Variants in RGS6 observed in about 807,000 individuals in gnomAD.
The protein encoded by RGS6 is regulator of G protein signaling 6, also known as regulator of G-protein signaling 6.
In RGS6, 30 loss-of-function variants were observed where a neutral mutation model predicts 78.5. That is an observed-to-expected ratio of 0.38 (90% CI 0.29 to 0.52). The LOEUF is 0.52. Ranked by LOEUF, RGS6 falls within the 20% of genes least tolerant of loss-of-function variation. The pLI, the probability that RGS6 is intolerant of heterozygous loss-of-function variation, is 0.85. For synonymous variants in RGS6, 206 were observed against 206.0 expected, an observed-to-expected ratio of 1.00 and a Z score of 0.00; for missense variants, 495 against 609.7, an observed-to-expected ratio of 0.81 and a Z score of 1.98.
At chr14:72,165,273 G>A (rs1292052471) in intron 2 of RGS6, among the ~76,000 whole-genome samples, 1 of 152,234 alleles carries the variant, frequency 6.6e-6, no homozygotes, top group African/African-American at 2.4e-5. Flanking sequence ...GGGATGCAAG[G>A]AAGAATCTCC....
chr14:71,969,521 T>C (rs1753522324), intron 2 of RGS6, among the ~76,000 whole-genome samples: 2 of 152,150 alleles, frequency 1.3e-5, no homozygotes. Flanking sequence ...CTGGATGTCT[T>C]CTACATCCAA....
At chr14:72,331,034 G>A (rs570294632) in intron 2 of RGS6, among the ~76,000 whole-genome samples, 8 of 152,248 alleles carry the variant, frequency 5.3e-5, no homozygotes, top group African/African-American at 1.9e-4. Flanking sequence ...GCTTTCGGCC[G>A]AGTCCCTCTG....
rs561041687 is a variant in RGS6, at chr14:72,388,249, C to CAT, written c.184+36065_184+36066dup. Among the ~76,000 whole-genome samples, 1,290 of 152,052 alleles carry CAT rather than the reference C, an allele frequency of 8.5e-3. 39 individuals carry two copies. Among genetic ancestry groups the CAT allele is most frequent in the East Asian group, 0.05 (261 of 5,174 alleles). On this transcript the variant is annotated intron_variant, in intron 3 of 17. Coordinates refer to ENST00000553525, the MANE Select transcript of RGS6 (RefSeq NM_001204424.2). ...ATATGGGAAAACACACACACATACACATATATATATACACATATACACATA... is the reference window on the plus strand; with the variant it reads ...ATATGGGAAAACACACACACATACACATATATATATATACACATATACACATA...
intron 2 of RGS6, among the ~76,000 whole-genome samples, chr14:72,287,848 G>C (rs2062864489): frequency 6.6e-6 from 1 of 152,188 alleles, no homozygotes; most frequent in Admixed American, 6.5e-5. Context: ...CATCTATTGA[G>C]ATGATTGTGT....
chr14:72,039,834 G>A (rs888394801), intron 2 of RGS6, among the ~76,000 whole-genome samples: 2 of 13,526 alleles, frequency 1.5e-4, no homozygotes, highest in Non-Finnish European at 2.9e-4. Context: ...TTTTTTTTTG[G>A]TGACATGCTT....
intron 2 of RGS6, among the ~76,000 whole-genome samples, chr14:72,084,997 T>A (rs2094968921): frequency 6.6e-6 from 1 of 152,206 alleles, no homozygotes; most frequent in Non-Finnish European, 1.5e-5. Flanking sequence ...AGGGGAAATC[T>A]GCTACGTAAG....
intron 2 of RGS6, among the ~76,000 whole-genome samples, chr14:72,284,653 A>G (rs2062181130): frequency 6.6e-6 from 1 of 152,172 alleles, no homozygotes; most frequent in Non-Finnish European, 1.5e-5. Flanking sequence ...AAAATGTGGG[A>G]TTGAAGCCCC....
chr14:72,288,382 C>A (rs1465399215), intron 2 of RGS6, among the ~76,000 whole-genome samples: 1 of 152,170 alleles, frequency 6.6e-6, no homozygotes, highest in Non-Finnish European at 1.5e-5. Flanking sequence ...TGGAAGGGAT[C>A]CAGTGCTGGA....
intron 2 of RGS6, among the ~76,000 whole-genome samples, chr14:72,034,820 ATTAC>A (rs1484907564): frequency 6.6e-6 from 1 of 152,090 alleles, no homozygotes; most frequent in African/African-American, 2.4e-5. Context: ...GAGGTTTTTG[ATTAC>A]TTACTTAGTT....
chr14:72,252,542 C>G lies in RGS6; in HGVS notation c.85-99553C>G, dbSNP rs192339420. On this transcript the variant is annotated intron_variant, in intron 2 of 17. Coordinates refer to ENST00000553525, the MANE Select transcript of RGS6 (RefSeq NM_001204424.2). ...ATGTCTGCTCCCATCTCCCTGTTAG[C>G]CTGTACAAATCTGCTCAAGTGTTAA... Among the ~76,000 whole-genome samples, 3 of 152,272 alleles carry G rather than the reference C, an allele frequency of 2.0e-5. No homozygotes were observed. In the East Asian group the frequency reaches 5.8e-4, roughly 29 times the overall value.
intron 17 of RGS6, among the ~76,000 whole-genome samples, chr14:72,559,885 A>T (rs2097647074): frequency 6.6e-6 from 1 of 152,154 alleles, no homozygotes; most frequent in Non-Finnish European, 1.5e-5. Context: ...GAGGGTATGG[A>T]AGCCTCAGGG....
the RGS6 span, among the ~76,000 whole-genome samples, chr14:72,575,922 A>G: frequency 6.6e-6 from 1 of 152,154 alleles, no homozygotes; most frequent in African/African-American, 2.4e-5. Context: ...CTGGCATCCC[A>G]CCCGTCCTTC....
At chr14:72,610,547 G>A in the RGS6 span, among the ~76,000 whole-genome samples, 230 of 152,386 alleles carry the variant, frequency 1.5e-3, 3 homozygotes, top group Middle Eastern at 0.014. Context: ...GAGAAATTGA[G>A]CTTACAAATT....
intron 3 of RGS6, among the ~76,000 whole-genome samples, chr14:72,403,413 AAGT>A (rs1453058512): frequency 6.6e-6 from 1 of 152,214 alleles, no homozygotes; most frequent in Non-Finnish European, 1.5e-5. Context: ...GATCTCATAG[AAGT>A]AGAGAGTACA....
At chr14:72,138,179 A>G (rs1359429166) in intron 2 of RGS6, among the ~76,000 whole-genome samples, 1 of 152,226 alleles carries the variant, frequency 6.6e-6, no homozygotes, top group East Asian at 1.9e-4. Context: ...ACAAATATGG[A>G]ATCTTCAAAT....
chr14:72,165,382 G>A (rs1259302891), intron 2 of RGS6, among the ~76,000 whole-genome samples: 2 of 152,218 alleles, frequency 1.3e-5, no homozygotes, highest in Non-Finnish European at 2.9e-5. Flanking sequence ...GAGGAAGGAT[G>A]ATGTGCAGAG....
intron 2 of RGS6, among the ~76,000 whole-genome samples, chr14:72,307,476 G>C (rs897216963): frequency 4.6e-5 from 7 of 152,086 alleles, no homozygotes; most frequent in Non-Finnish European, 2.9e-5. Flanking sequence ...TATAAGGTAT[G>C]AGATAAAGAT....
intron 2 of RGS6, among the ~76,000 whole-genome samples, chr14:72,121,264 A>G (rs181153422): frequency 1.3e-5 from 2 of 152,340 alleles, no homozygotes; most frequent in East Asian, 3.9e-4. Context: ...TGGCAAACAC[A>G]GCTACACTTT....
At chr14:72,178,719 A>G (rs1372182823) in intron 2 of RGS6, among the ~76,000 whole-genome samples, 1 of 152,214 alleles carries the variant, frequency 6.6e-6, no homozygotes, top group East Asian at 1.9e-4. Flanking sequence ...ACCTAGGGAT[A>G]GGCTACCTAA....
Sources: allele counts gnomAD v4.1 joint callset (sites outside exome capture counted in the v4.1 genomes callset), GRCh38; gene constraint gnomAD v4.1.1; transcripts MANE v1.5; gene names NCBI Gene and HGNC (gene_info 2026-07-23, HGNC 2026-07-21).